VAT1L: variants seen among roughly 807,000 people sequenced by gnomAD.
VAT1L encodes the protein putative NADPH-dependent quinone oxidoreductase VAT1L.
A neutral mutation model predicts 44.1 loss-of-function variants in VAT1L; 34 were observed. That is an observed-to-expected ratio of 0.77 (90% CI 0.59 to 1.03). The LOEUF is 1.03. Ranked by LOEUF, VAT1L falls within the 50% of genes least tolerant of loss-of-function variation. The pLI is 0.00. For synonymous variants in VAT1L, 253 were observed against 202.2 expected (o/e 1.25, Z -2.13); for missense variants, 615 against 538.8 (o/e 1.14, Z -1.40).
At chr16:77,959,662 C>G (rs1414683347) in intron 7 of VAT1L, among the ~76,000 whole-genome samples, 1 of 151,982 alleles carries the variant, frequency 6.6e-6, no homozygotes, top group Non-Finnish European at 1.5e-5. Context: ...TCATTTGTAC[C>G]CTAATGACTT....
At chr16:77,831,317 A>T (rs2016575911) in intron 3 of VAT1L, among the ~76,000 whole-genome samples, 1 of 152,220 alleles carries the variant, frequency 6.6e-6, no homozygotes, top group Non-Finnish European at 1.5e-5. Context: ...AGAGGAGATG[A>T]GGCAGAGAAG....
chr16:77,950,987 A>T (rs535597502), intron 7 of VAT1L, among the ~76,000 whole-genome samples: 1 of 152,336 alleles, frequency 6.6e-6, no homozygotes, highest in South Asian at 2.1e-4. Flanking sequence ...AGTATGCTGG[A>T]AAGAGAGCCA....
chr16:77,919,253 C>A (rs1451325241), intron 7 of VAT1L, among the ~76,000 whole-genome samples: 1 of 152,196 alleles, frequency 6.6e-6, no homozygotes, highest in Non-Finnish European at 1.5e-5. Flanking sequence ...CCTTGTGCTT[C>A]CTGATTTGCA....
intron 7 of VAT1L, among the ~76,000 whole-genome samples, chr16:77,919,325 G>A (rs2017586569): frequency 6.6e-6 from 1 of 152,180 alleles, no homozygotes; most frequent in South Asian, 2.1e-4. Context: ...GTTTTGATTG[G>A]AAAGGATGCT....
chr16:77,819,630 G>A (rs1039308839), intron 2 of VAT1L, among the ~76,000 whole-genome samples: 4 of 152,064 alleles, frequency 2.6e-5, no homozygotes, highest in Admixed American at 6.5e-5. Context: ...TGATCCACCC[G>A]CCTCAACCTC....
At chr16:77,862,959 A>G in intron 4 of VAT1L, 69 bp downstream of exon 4, 4 of 1,532,658 alleles carry the variant, frequency 2.6e-6, no homozygotes, top group South Asian at 2.5e-5. Flanking sequence ...AGTAGCACTT[A>G]TTTAAAAGAG....
chr16:77,936,977 C>A (rs1046281111), intron 7 of VAT1L, among the ~76,000 whole-genome samples: 11 of 152,270 alleles, frequency 7.2e-5, no homozygotes, highest in African/African-American at 2.6e-4. Context: ...CTCCACCTAC[C>A]GGGTTCAAGC....
intron 7 of VAT1L, among the ~76,000 whole-genome samples, chr16:77,921,104 T>C (rs1481334675): frequency 6.6e-6 from 1 of 152,166 alleles, no homozygotes; most frequent in African/African-American, 2.4e-5. Context: ...TACCTGGAAA[T>C]CTGTTTGCAC....
Position 77,884,551 on chromosome 16 carries a change from A to G in VAT1L, c.883-57A>G. ...GCTGATGACATCAGCAATGCTGCCA[A>G]TGTAGGCTTAACCCCGGTATTGAGT... is the stretch of plus-strand genomic sequence containing the variant. On this transcript the variant is annotated intron_variant, in intron 6 of 8. Coordinates refer to ENST00000302536, the MANE Select transcript of VAT1L (RefSeq NM_020927.3). The surrounding 1 kb of genome is among the most constrained non-coding windows in gnomAD (Gnocchi z 4.5). The G allele has an allele frequency of 1.3e-6, 2 of 1,553,812 alleles. No individual in the cohort carries two copies. The highest frequency in any genetic ancestry group is 1.7e-6 in the Non-Finnish European group (2 of 1,145,502).
chr16:77,844,925 A>C (rs751533447), intron 3 of VAT1L, among the ~76,000 whole-genome samples: 2 of 152,230 alleles, frequency 1.3e-5, no homozygotes, highest in South Asian at 2.1e-4. Flanking sequence ...GACCTACTGC[A>C]CATTAAATCA....
At chr16:77,913,449 A>AC (rs941015192) in intron 7 of VAT1L, among the ~76,000 whole-genome samples, 5 of 149,818 alleles carry the variant, frequency 3.3e-5, no homozygotes, top group Non-Finnish European at 5.9e-5. Flanking sequence ...GTCAACAGGG[A>AC]CCCCCCTCCC....
chr16:77,949,957 G>T (rs148557177), intron 7 of VAT1L, among the ~76,000 whole-genome samples: 8 of 152,208 alleles, frequency 5.3e-5, no homozygotes, highest in African/African-American at 1.7e-4. Flanking sequence ...TCTAATGAAA[G>T]ATTCCAGATG....
intron 1 of VAT1L, among the ~76,000 whole-genome samples, chr16:77,808,363 T>C (rs969928857): frequency 4.6e-4 from 70 of 152,302 alleles, no homozygotes; most frequent in African/African-American, 1.6e-3. Flanking sequence ...CACTTGATTC[T>C]ACATTATGCT....
chr16:77,951,633 A>T (rs1436047278), intron 7 of VAT1L, among the ~76,000 whole-genome samples: 1 of 152,170 alleles, frequency 6.6e-6, no homozygotes, highest in Non-Finnish European at 1.5e-5. Context: ...CCTGGGATGC[A>T]GAGTTGGGTG....
chr16:77,952,487 T>G (rs1222521208), intron 7 of VAT1L, among the ~76,000 whole-genome samples: 2 of 152,058 alleles, frequency 1.3e-5, no homozygotes, highest in Non-Finnish European at 1.5e-5. Flanking sequence ...GCATCTGCTT[T>G]TGCCATGTGA....
chr16:77,872,438 A>G (rs941317354), intron 4 of VAT1L, among the ~76,000 whole-genome samples: 8 of 152,158 alleles, frequency 5.3e-5, no homozygotes, highest in Non-Finnish European at 8.8e-5. Context: ...CTGAAAACAG[A>G]CCTGGGGAGA....
chr16:77,890,695 G>C (rs1336012989), intron 7 of VAT1L, among the ~76,000 whole-genome samples: 9 of 151,868 alleles, frequency 5.9e-5, no homozygotes, highest in Admixed American at 5.9e-4. Flanking sequence ...GGCCAAGGTG[G>C]GCAGATTGCT....
At chr16:77,930,194 C>T (rs2017713484) in intron 7 of VAT1L, among the ~76,000 whole-genome samples, 1 of 152,190 alleles carries the variant, frequency 6.6e-6, no homozygotes, top group Non-Finnish European at 1.5e-5. Flanking sequence ...ACCCCCAACA[C>T]ATATTCCTTA....
chr16:77,804,831 G>C (rs996956209), intron 1 of VAT1L, among the ~76,000 whole-genome samples: 2 of 152,196 alleles, frequency 1.3e-5, no homozygotes, highest in Admixed American at 6.5e-5. Context: ...ACTGCAAAGA[G>C]AACTTTTTTC....
Sources: gnomAD v4.1 joint callset for allele counts (sites outside exome capture counted in the v4.1 genomes callset) on GRCh38, gnomAD v4.1.1 for gene constraint, Gnocchi (gnomAD v3.1) non-coding constraint, MANE v1.5 for transcripts, NCBI Gene and HGNC (gene_info 2026-07-23, HGNC 2026-07-21) for gene names.